The following SERINC5 variants were observed in gnomAD, a reference collection of about 807,000 sequenced individuals.
SERINC5 encodes the protein chromosome 5 open reading frame 12.
In SERINC5, 41 loss-of-function variants were observed where a neutral mutation model predicts 63.1. The observed-to-expected ratio is 0.65, with a 90% CI of 0.51 to 0.84. SERINC5 has a LOEUF of 0.84. Ranked by LOEUF, SERINC5 falls within the 40% of genes least tolerant of loss-of-function variation. SERINC5 has a pLI of 0.00. For synonymous variants in SERINC5, 222 were observed against 215.2 expected, an observed-to-expected ratio of 1.03 and a Z score of -0.28; for missense variants, 523 against 573.0, an observed-to-expected ratio of 0.91 and a Z score of 0.89.
intron 7 of SERINC5, among the ~76,000 whole-genome samples, chr5:80,159,256 A>C (rs952468579): frequency 6.6e-6 from 1 of 152,180 alleles, no homozygotes; most frequent in African/African-American, 2.4e-5. Context: ...GCTCGAAGTC[A>C]GGTGCATTTT....
At position 80,143,327 on chromosome 5, in the gene SERINC5, A is replaced by G; in HGVS notation, c.*336T>C. The G allele has an allele frequency of 1.9e-6, 2 of 1,035,702 alleles. No homozygotes were observed. Among genetic ancestry groups the G allele is most frequent in the African/African-American group, 1.7e-5 (1 of 58,970 alleles). The allele number at this position is 1,035,702 out of a possible 1,614,324, so 64.2% of individuals were successfully genotyped here. A position where few individuals can be genotyped will look rare whatever the true frequency, so the allele number is the denominator to read the frequency against. ...GGATGAGAATGACTGGCCCCACAAG[A>G]TATTTTTATCCCTGTGAAAAGATGC... On this transcript the variant is annotated 3_prime_UTR_variant, in exon 12 of 12. Coordinates refer to ENST00000507668, the MANE Select transcript of SERINC5 (RefSeq NM_001174072.3).
At chr5:80,190,357 C>G (rs1378964869) in intron 2 of SERINC5, among the ~76,000 whole-genome samples, 1 of 152,078 alleles carries the variant, frequency 6.6e-6, no homozygotes, top group Non-Finnish European at 1.5e-5. Context: ...AGTGATCCTC[C>G]CATCTTGGTC....
intron 2 of SERINC5, among the ~76,000 whole-genome samples, chr5:80,191,681 GAA>G (rs57246426): frequency 7.7e-5 from 8 of 103,886 alleles, no homozygotes; most frequent in African/African-American, 2.0e-4. Flanking sequence ...AAAAAAGAAA[GAA>G]AAAAAAAAAG....
intron 1 of SERINC5, among the ~76,000 whole-genome samples, chr5:80,209,777 T>C (rs534750702): frequency 6.6e-6 from 1 of 152,304 alleles, no homozygotes; most frequent in African/African-American, 2.4e-5. Flanking sequence ...TGGTGGCTCA[T>C]GCCTGTAATC....
chr5:80,223,641 A>G (rs989551695), intron 1 of SERINC5, among the ~76,000 whole-genome samples: 1 of 152,168 alleles, frequency 6.6e-6, no homozygotes, highest in Non-Finnish European at 1.5e-5. Flanking sequence ...TCGAGGGTCA[A>G]AGTTCTAATT....
intron 1 of SERINC5, among the ~76,000 whole-genome samples, chr5:80,227,067 T>C (rs1038199666): frequency 2.6e-5 from 4 of 152,084 alleles, no homozygotes; most frequent in Non-Finnish European, 5.9e-5. Flanking sequence ...GGCTAATTTT[T>C]GTATTTTTTG....
intron 2 of SERINC5, among the ~76,000 whole-genome samples, chr5:80,201,808 C>T (rs1407260421): frequency 6.6e-6 from 1 of 152,214 alleles, no homozygotes; most frequent in Non-Finnish European, 1.5e-5. Flanking sequence ...CCCATGAAGA[C>T]ACCACTCACC....
At chr5:80,255,752 G>T in intron 1 of SERINC5, 144 bp downstream of exon 1, 2 of 713,212 alleles carry the variant, frequency 2.8e-6, no homozygotes, top group Non-Finnish European at 4.4e-6. Context: ...ACGGCTGAGC[G>T]CCGCGGGGCC....
At chr5:80,234,961 T>C (rs1751618123) in intron 1 of SERINC5, among the ~76,000 whole-genome samples, 1 of 152,206 alleles carries the variant, frequency 6.6e-6, no homozygotes, top group Non-Finnish European at 1.5e-5. Flanking sequence ...AAACTTATCA[T>C]CCTAACCACT....
At chr5:80,245,965 TAAA>T (rs57108110) in intron 1 of SERINC5, among the ~76,000 whole-genome samples, 37,520 of 115,984 alleles carry the variant, frequency 0.32, 5,720 homozygotes, top group Middle Eastern at 0.38. Flanking sequence ...GTCAGCTCTT[TAAA>T]AAAAAAAAAA....
At chr5:80,233,367 C>T (rs1037654890) in intron 1 of SERINC5, among the ~76,000 whole-genome samples, 42 of 152,162 alleles carry the variant, frequency 2.8e-4, no homozygotes, top group African/African-American at 9.9e-4. Context: ...GCGGAGGTTG[C>T]GGTGAGCTGA....
intron 11 of SERINC5, 161 bp from the exon 12 acceptor site, chr5:80,143,971 A>G (rs1580055731): frequency 2.3e-6 from 2 of 859,310 alleles, no homozygotes; most frequent in East Asian, 5.5e-5. Flanking sequence ...CATTCTCATC[A>G]CCCCCAAAAG....
intron 1 of SERINC5, among the ~76,000 whole-genome samples, chr5:80,214,572 G>A (rs80242707): frequency 0.19 from 28,025 of 146,734 alleles, 3,211 homozygotes; most frequent in African/African-American, 0.33. Context: ...AAAAAAAAAC[G>A]AACAAAAAAA....
intron 11 of SERINC5, among the ~76,000 whole-genome samples, chr5:80,132,571 T>G (rs1186547499): frequency 6.6e-6 from 1 of 151,900 alleles, no homozygotes. Flanking sequence ...CCAAATAAAC[T>G]CTTTACCTAT....
chr5:80,161,353 A>G (rs1746909648), intron 7 of SERINC5, among the ~76,000 whole-genome samples: 1 of 151,452 alleles, frequency 6.6e-6, no homozygotes, highest in African/African-American at 2.4e-5. Context: ...ATCCTTACCA[A>G]CATCTGTTAC....
Position 80,115,164 on chromosome 5 carries a change from T to A in SERINC5, c.1239-1539A>T, listed in dbSNP as rs775549536. Among the ~76,000 whole-genome samples, 39 of 152,024 alleles carry A rather than the reference T, an allele frequency of 2.6e-4. 1 individual carries two copies. The highest frequency in any genetic ancestry group is 4.7e-4 in the Non-Finnish European group (32 of 68,032). On this transcript the variant is annotated intron_variant, in intron 11 of 12. Coordinates refer to the SERINC5 transcript ENST00000509193. ...ATAGCGACTGCTTTTACTGACATCA[T>A]TTTTAGCAGACGTTTTACTATAAAA...
chr5:80,117,418 CAAT>C (rs1744377389), intron 11 of SERINC5, among the ~76,000 whole-genome samples: 1 of 151,872 alleles, frequency 6.6e-6, no homozygotes, highest in Non-Finnish European at 1.5e-5. Flanking sequence ...ATTAAGTGCT[CAAT>C]AATAGGTGAT....
intron 1 of SERINC5, among the ~76,000 whole-genome samples, chr5:80,213,756 G>A (rs909736717): frequency 7.9e-5 from 12 of 151,972 alleles, no homozygotes; most frequent in Non-Finnish European, 8.8e-5. Flanking sequence ...CTCAACCACC[G>A]CAATCACCAA....
intron 11 of SERINC5, chr5:80,116,298 C>A (rs1167894350): frequency 1.1e-5 from 5 of 456,118 alleles, no homozygotes; most frequent in Non-Finnish European, 2.2e-5. Flanking sequence ...TCTTAAGAGG[C>A]CTTAAGTCTT....
Sources: allele counts gnomAD v4.1 joint callset (sites outside exome capture counted in the v4.1 genomes callset), GRCh38; gene constraint gnomAD v4.1.1; transcripts MANE v1.5; gene names NCBI Gene and HGNC (gene_info 2026-07-23, HGNC 2026-07-21).